The following TET1 variants were observed in gnomAD, a reference collection of about 807,000 sequenced individuals.
TET1 encodes tet methylcytosine dioxygenase 1.
In TET1, 13 loss-of-function variants were observed where a neutral mutation model predicts 148.7. The ratio of observed to expected loss-of-function variants is 0.09; its 90% CI spans 0.06 to 0.14. TET1 has a LOEUF of 0.14. Ranked by LOEUF, TET1 falls within the 10% of genes least tolerant of loss-of-function variation. The pLI, the probability that TET1 is intolerant of heterozygous loss-of-function variation, is 1.00. For missense variants in TET1, 2,182 were observed against 2,553.8 expected (o/e 0.85, Z 3.14); for synonymous variants, 907 against 937.2 (o/e 0.97, Z 0.59).
At chr10:68,582,058 G>A (rs2053804333) in intron 2 of TET1, among the ~76,000 whole-genome samples, 1 of 150,672 alleles carries the variant, frequency 6.6e-6, no homozygotes. Context: ...GGGCTATTAT[G>A]TACTTGGTTA....
At chr10:68,626,980 A>G (rs1314418711) in intron 3 of TET1, among the ~76,000 whole-genome samples, 3 of 152,236 alleles carry the variant, frequency 2.0e-5, no homozygotes, top group Admixed American at 6.5e-5. Flanking sequence ...ATTATTAGAA[A>G]AAGAACACTT....
intron 2 of TET1, among the ~76,000 whole-genome samples, chr10:68,595,609 CT>C (rs1564958558): frequency 2.2e-5 from 2 of 89,386 alleles, no homozygotes; most frequent in Non-Finnish European, 4.3e-5. Flanking sequence ...ACACACACAG[CT>C]TCTTTTTTTT....
At chr10:68,593,230 CAAAAAAAAAA>C (rs576381158) in intron 2 of TET1, among the ~76,000 whole-genome samples, 9 of 43,206 alleles carry the variant, frequency 2.1e-4, no homozygotes, top group Non-Finnish European at 1.3e-4. Context: ...AACTCTGTCT[CAAAAAAAAAA>C]AAAAAAAAAA....
intron 2 of TET1, among the ~76,000 whole-genome samples, chr10:68,581,505 GCTA>G (rs1235367256): frequency 6.6e-6 from 1 of 152,168 alleles, no homozygotes; most frequent in Non-Finnish European, 1.5e-5. Flanking sequence ...CTTTGGCTAA[GCTA>G]CACTTTCACA....
Position 68,572,318 on chromosome 10 carries a change from ATTT to A in TET1, c.-17_-15del. 6 of 1,564,878 alleles carry A rather than the reference ATTT, an allele frequency of 3.8e-6. No individual in the cohort carries two copies. Among genetic ancestry groups the A allele is most frequent in the Non-Finnish European group, 5.2e-6 (6 of 1,161,562 alleles). On this transcript the variant is annotated 5_prime_UTR_variant, in exon 2 of 12. Transcript: ENST00000373644. ...ATGACTCTGTTTCCTGCGCCCTTTC[ATTT>A]TTTCCTACTCTGTAGCTATGTCTCG...
chr10:68,663,967 A>T (rs929397313), intron 6 of TET1, among the ~76,000 whole-genome samples: 1 of 152,066 alleles, frequency 6.6e-6, no homozygotes, highest in African/African-American at 2.4e-5. Flanking sequence ...CAGTATCTTT[A>T]TCACAACACT....
chr10:68,671,472 C>T (rs1255218633), intron 7 of TET1, among the ~76,000 whole-genome samples: 5 of 152,110 alleles, frequency 3.3e-5, no homozygotes, highest in African/African-American at 7.2e-5. Context: ...AGGTTGATTA[C>T]GTGTCTTTGG....
chr10:68,607,409 T>A (rs558024408), intron 3 of TET1, among the ~76,000 whole-genome samples: 1 of 35,876 alleles, frequency 2.8e-5, no homozygotes, highest in Admixed American at 3.0e-4. Context: ...GGATCTTAAG[T>A]TTTTTTTTTT....
chr10:68,602,489 G>A (rs543234131), intron 3 of TET1, among the ~76,000 whole-genome samples: 58 of 152,302 alleles, frequency 3.8e-4, no homozygotes, highest in African/African-American at 1.1e-3. Context: ...AGATTATGTG[G>A]AGAAACTAAT....
chr10:68,691,530 C>T lies in TET1; in HGVS notation c.6127C>T (p.Arg2043Cys). 6.2e-7 allele frequency: 1 copy of T among 1,614,094 alleles called. No individual in the cohort carries two copies. The highest frequency in any genetic ancestry group is 8.5e-7 in the Non-Finnish European group (1 of 1,180,022). ...GCACCCCAACCGTAATCATCCAACC[C>T]GCCTCTCCCTTGTCTTTTACCAGCA... ...VEHPNRNHPTRLSLVFYQHKN... is the reference protein window; with the variant it reads ...VEHPNRNHPTCLSLVFYQHKN... The change falls in exon 12 of 12, where the codon CGC (arginine) becomes TGC (cysteine). Residue 2043 changes from arginine to cysteine, a missense_variant. Coordinates refer to ENST00000373644, the MANE Select transcript of TET1 (RefSeq NM_030625.3). The surrounding 1 kb of genome is among the most constrained non-coding windows in gnomAD (Gnocchi z 4.4).
At position 68,681,507 on chromosome 10, in the gene TET1, T is replaced by C; in HGVS notation, c.4914+19T>C. 6.5e-7 allele frequency: 1 copy of C among 1,531,722 alleles called. No homozygotes were observed. The highest frequency in any genetic ancestry group is 9.0e-7 in the Non-Finnish European group (1 of 1,109,802). The allele number at this position is 1,531,722 out of a possible 1,614,324, so 94.9% of individuals were successfully genotyped here. A position where few individuals can be genotyped will look rare whatever the true frequency, so the allele number is the denominator to read the frequency against. On this transcript the variant is annotated intron_variant, in intron 9 of 11. Transcript: ENST00000373644. ...AAATCAGGTATGTATTGGTATGAAC[T>C]TTTTATTTATTTATTAATTTGAGGT... is the stretch of plus-strand genomic sequence containing the variant.
rs190479149 is a variant in TET1, at chr10:68,578,460, C to G, written c.1914+4208C>G. ...TTTTAGTAGAGACGAGGTTTCACCACGTTGGCCAGCCTGGTCATGAACTCC... is the reference window on the plus strand; with the variant it reads ...TTTTAGTAGAGACGAGGTTTCACCAGGTTGGCCAGCCTGGTCATGAACTCC... On this transcript the variant is annotated intron_variant, in intron 2 of 11. Transcript: ENST00000373644. Among the ~76,000 whole-genome samples the G allele has an allele frequency of 2.3e-3, 347 of 152,070 alleles. 3 individuals are homozygous for G. Among genetic ancestry groups the G allele is most frequent in the African/African-American group, 7.7e-3 (319 of 41,488 alleles).
chr10:68,686,097 CGTAA>C (rs747598599), intron 10 of TET1, among the ~76,000 whole-genome samples: 39 of 152,094 alleles, frequency 2.6e-4, no homozygotes, highest in South Asian at 6.2e-4. Flanking sequence ...ATCAAAAATA[CGTAA>C]GTATTTTATA....
Position 68,572,361 on chromosome 10 carries a change from G to A in TET1, c.23G>A (p.Arg8Lys), listed in dbSNP as rs778536892. The change falls in exon 2 of 12, where the codon AGG becomes AAG. Residue 8 changes from arginine (R) to lysine (K), a missense_variant. Coordinates refer to ENST00000373644, the MANE Select transcript of TET1 (RefSeq NM_030625.3). ...GCTATGTCTCGATCCCGCCATGCAA[G>A]GCCTTCCAGATTAGTCAGGAAGGAA... MSRSRHA[R>K]PSRLVRKEDV... 5 of 1,605,222 alleles carry A rather than the reference G, an allele frequency of 3.1e-6. No individual in the cohort carries two copies. Among genetic ancestry groups the A allele is most frequent in the Non-Finnish European group, 4.2e-6 (5 of 1,177,908 alleles).
intron 7 of TET1, among the ~76,000 whole-genome samples, chr10:68,669,773 C>G (rs1050555342): frequency 3.3e-4 from 50 of 151,950 alleles, no homozygotes; most frequent in African/African-American, 1.2e-3. Flanking sequence ...CCTCAGCCTC[C>G]CAAGTACCTG....
chr10:68,681,638 G>A, intron 9 of TET1, 150 bp downstream of exon 9: 1 of 534,224 alleles, frequency 1.9e-6, no homozygotes, highest in African/African-American at 2.0e-5. Context: ...AAAAATGCTG[G>A]GATTACAGAT....
intron 3 of TET1, among the ~76,000 whole-genome samples, chr10:68,643,592 G>A (rs1047487506): frequency 2.0e-5 from 3 of 151,960 alleles, no homozygotes; most frequent in Admixed American, 1.3e-4. Flanking sequence ...AGGCTGAGGC[G>A]GGCAGATCAC....
rs1308125093 is a variant in TET1, at chr10:68,686,566, G to A, written c.5263G>A (p.Gly1755Arg). ...TCFTQPVPRS[G>R]KKRAAMMTEV... is the part of the protein sequence containing the mutation. ...TTTCACTCAGCCTGTTCCCCGTTCT[G>A]GAAAGAAGAGGGCTGCGATGATGAC... Residue 1755 changes from glycine (G) to arginine (R), a missense_variant, in exon 11 of 12, where the codon GGA becomes AGA. Around this residue, in one of 11 missense-constraint regions of TET1, gnomAD observed 380 missense variants for 387.9 expected, o/e 0.98. Coordinates refer to ENST00000373644, the MANE Select transcript of TET1 (RefSeq NM_030625.3). 3 of 1,614,120 alleles carry A rather than the reference G, an allele frequency of 1.9e-6. No homozygotes were observed. Among genetic ancestry groups the A allele is most frequent in the South Asian group, 2.2e-5 (2 of 91,080 alleles).
intron 3 of TET1, among the ~76,000 whole-genome samples, chr10:68,613,975 G>C (rs1425382288): frequency 6.6e-6 from 1 of 151,724 alleles, no homozygotes; most frequent in Non-Finnish European, 1.5e-5. Flanking sequence ...AAAGTATTTT[G>C]GTGAACCTTA....
Sources: allele counts gnomAD v4.1 joint callset (sites outside exome capture counted in the v4.1 genomes callset), GRCh38; gene constraint gnomAD v4.1.1; regional missense constraint gnomAD v4.1.1; non-coding constraint Gnocchi (gnomAD v3.1); transcripts MANE v1.5; gene names NCBI Gene and HGNC (gene_info 2026-07-23, HGNC 2026-07-21).